LRP12: variants seen among roughly 807,000 people sequenced by gnomAD.
LRP12 encodes low-density lipoprotein receptor-related protein 12.
A neutral mutation model predicts 66.0 loss-of-function variants in LRP12; 14 were observed. The observed-to-expected ratio is 0.21, with a 90% CI of 0.14 to 0.33. The LOEUF is 0.33. Among genes scored for constraint, LRP12 ranks in the 10% least tolerant of loss-of-function variants. The pLI is 1.00. For synonymous variants in LRP12, 357 were observed against 359.1 expected (o/e 0.99, Z 0.07); for missense variants, 889 against 1,053.4 (o/e 0.84, Z 2.16).
intron 1 of LRP12, among the ~76,000 whole-genome samples, chr8:104,564,260 T>A (rs1188814893): frequency 6.6e-6 from 1 of 152,138 alleles, no homozygotes; most frequent in Non-Finnish European, 1.5e-5. Flanking sequence ...AACCTGAATA[T>A]CAAATAAATC....
chr8:104,511,371 C>T (rs1396213131), intron 2 of LRP12, among the ~76,000 whole-genome samples: 1 of 151,468 alleles, frequency 6.6e-6, no homozygotes, highest in Non-Finnish European at 1.5e-5. Context: ...TGAGATCTCA[C>T]TATGTTGCCC....
At chr8:104,499,979 GTAAT>G (rs1215404129) in intron 3 of LRP12, among the ~76,000 whole-genome samples, 2 of 152,190 alleles carry the variant, frequency 1.3e-5, no homozygotes, top group African/African-American at 4.8e-5. Context: ...TCTTAGGAGA[GTAAT>G]TAGCACAAAT....
intron 1 of LRP12, among the ~76,000 whole-genome samples, chr8:104,581,743 CA>C (rs537552133): frequency 8.9e-5 from 13 of 146,044 alleles, no homozygotes; most frequent in South Asian, 6.5e-4. Context: ...ATAATGTAGA[CA>C]AAAAAAAAAT....
At chr8:104,554,065 G>A (rs768007022) in intron 1 of LRP12, among the ~76,000 whole-genome samples, 8 of 152,046 alleles carry the variant, frequency 5.3e-5, no homozygotes, top group African/African-American at 1.4e-4. Context: ...GGAATACTAC[G>A]GGAAGGGAGA....
intron 1 of LRP12, among the ~76,000 whole-genome samples, chr8:104,565,904 T>A (rs1811993323): frequency 2.2e-5 from 3 of 136,156 alleles, no homozygotes; most frequent in Non-Finnish European, 4.6e-5. Context: ...TACATGTTAC[T>A]TGGTTGTGGG....
intron 1 of LRP12, among the ~76,000 whole-genome samples, chr8:104,540,693 TTAC>T (rs1172119003): frequency 1.3e-5 from 2 of 152,208 alleles, no homozygotes; most frequent in African/African-American, 4.8e-5. Context: ...ATTTATAACA[TTAC>T]TTTTAATGAA....
At chr8:104,512,509 T>C (rs77256785) in intron 2 of LRP12, among the ~76,000 whole-genome samples, 3,639 of 152,326 alleles carry the variant, frequency 0.024, 106 homozygotes, top group African/African-American at 0.065. Context: ...AAATTACATT[T>C]AACTCAATTA....
At position 104,513,126 on chromosome 8, in the gene LRP12, A is replaced by G. The variant is rs374510726; in HGVS notation, c.137-4052T>C. Reference sequence around the variant, plus strand: ...TAGACAAATATGCTGTAGCACAGCCATAATGTATTCCTTTCTATATCTAAG... The same window carrying G: ...TAGACAAATATGCTGTAGCACAGCCGTAATGTATTCCTTTCTATATCTAAG... On this transcript the variant is annotated intron_variant, in intron 2 of 6. Coordinates refer to ENST00000276654, the MANE Select transcript of LRP12 (RefSeq NM_013437.5). Among the ~76,000 whole-genome samples the G allele has an allele frequency of 2.5e-4, 38 of 152,300 alleles. No individual in the cohort carries two copies. In the South Asian group the frequency reaches 7.2e-3, roughly 29 times the overall value.
chr8:104,587,444 T>C (rs1812351563), intron 1 of LRP12, among the ~76,000 whole-genome samples: 1 of 152,174 alleles, frequency 6.6e-6, no homozygotes, highest in African/African-American at 2.4e-5. Flanking sequence ...ACTGGGTTTT[T>C]GGTCCCACAC....
At chr8:104,552,708 C>A (rs1163527478) in intron 1 of LRP12, among the ~76,000 whole-genome samples, 1 of 151,972 alleles carries the variant, frequency 6.6e-6, no homozygotes, top group Admixed American at 6.6e-5. Flanking sequence ...TAAAAGTTAT[C>A]CAATGTAAGA....
At chr8:104,552,590 C>G (rs1419479672) in intron 1 of LRP12, among the ~76,000 whole-genome samples, 9 of 152,118 alleles carry the variant, frequency 5.9e-5, no homozygotes, top group Admixed American at 5.2e-4. Flanking sequence ...CTTACCTACT[C>G]TTTCATGGAA....
At chr8:104,519,697 GA>G (rs1811119607) in intron 2 of LRP12, among the ~76,000 whole-genome samples, 2 of 151,904 alleles carry the variant, frequency 1.3e-5, no homozygotes, top group Non-Finnish European at 2.9e-5. Flanking sequence ...CAGAAAAAAT[GA>G]TATTAATCCA....
chr8:104,508,920 T>C lies in LRP12; in HGVS notation c.272+19A>G. On this transcript the variant is annotated intron_variant, in intron 3 of 6. Coordinates refer to ENST00000276654, the MANE Select transcript of LRP12 (RefSeq NM_013437.5). ...TGTTTTGTAATAAATTATATAGTAA[T>C]ACAGAAAGGTAGAATTACCTTATAG... The C allele has an allele frequency of 1.3e-6, 2 of 1,597,712 alleles. No homozygotes were observed. The highest frequency in any genetic ancestry group is 2.2e-5 in the East Asian group (1 of 44,708).
At chr8:104,544,808 T>C (rs748262347) in intron 1 of LRP12, among the ~76,000 whole-genome samples, 9 of 152,186 alleles carry the variant, frequency 5.9e-5, no homozygotes, top group Non-Finnish European at 1.0e-4. Flanking sequence ...GATGGAGATA[T>C]ATAAGGAAAT....
intron 2 of LRP12, among the ~76,000 whole-genome samples, chr8:104,514,545 T>TAAAAAAAAAAAAAAAAAA (rs565370904): frequency 7.8e-6 from 1 of 128,754 alleles, no homozygotes. Flanking sequence ...CGTCTCTACT[T>TAAAAAAAAAAAAAAAAAA]AAAAAAAAAA....
chr8:104,540,999 TG>T lies in LRP12; in HGVS notation c.80-9037del, dbSNP rs1385930932. Among the ~76,000 whole-genome samples the T allele has an allele frequency of 2.0e-5, 3 of 152,204 alleles. No homozygotes were observed. The East Asian group carries it at 5.8e-4, about 29-fold the overall frequency. ...CACCCGCCTCAGCCTCCCAAAGTCC[TG>T]GGATTACAGGCGTGAGCCACCGCGC... On this transcript the variant is annotated intron_variant, in intron 1 of 6. Transcript: ENST00000276654.
At chr8:104,553,775 C>G (rs1811762414) in intron 1 of LRP12, among the ~76,000 whole-genome samples, 1 of 152,218 alleles carries the variant, frequency 6.6e-6, no homozygotes, top group Admixed American at 6.5e-5. Flanking sequence ...TACACTACCA[C>G]AGCTGATGCT....
chr8:104,510,657 G>C (rs3018439), intron 2 of LRP12, among the ~76,000 whole-genome samples: 28,641 of 152,076 alleles, frequency 0.19, 3,114 homozygotes, highest in East Asian at 0.37. Context: ...TGATTTTAAA[G>C]TAACAGCAGA....
intron 1 of LRP12, among the ~76,000 whole-genome samples, chr8:104,575,526 C>T (rs1045891635): frequency 6.6e-6 from 1 of 152,118 alleles, no homozygotes; most frequent in Non-Finnish European, 1.5e-5. Flanking sequence ...AGCACTGGCC[C>T]CCTAAAATCT....
Sources: gnomAD v4.1 joint callset for allele counts (sites outside exome capture counted in the v4.1 genomes callset) on GRCh38, gnomAD v4.1.1 for gene constraint, MANE v1.5 for transcripts, NCBI Gene and HGNC (gene_info 2026-07-23, HGNC 2026-07-21) for gene names.